The following LRRC4C variants were observed in gnomAD, a reference collection of about 807,000 sequenced individuals.
The protein encoded by LRRC4C is leucine rich repeat containing 4C.
A neutral mutation model predicts 33.6 loss-of-function variants in LRRC4C; 5 were observed. The observed-to-expected ratio is 0.15, with a 90% CI of 0.08 to 0.31. The LOEUF is 0.31. LRRC4C is among the 10% of genes least tolerant of loss of function. The pLI, the probability that LRRC4C is intolerant of heterozygous loss-of-function variation, is 1.00. For synonymous variants in LRRC4C, 329 were observed against 302.0 expected (o/e 1.09, Z -0.93); for missense variants, 560 against 796.7 (o/e 0.70, Z 3.58).
chr11:41,312,235 T>C (rs949889325), intron 1 of LRRC4C, among the ~76,000 whole-genome samples: 9 of 152,206 alleles, frequency 5.9e-5, no homozygotes, highest in African/African-American at 2.2e-4. Flanking sequence ...TTCTACATTC[T>C]CTTAAATGAC....
chr11:40,189,627 G>A (rs1554968442), intron 5 of LRRC4C, among the ~76,000 whole-genome samples: 1 of 152,156 alleles, frequency 6.6e-6, no homozygotes, highest in Non-Finnish European at 1.5e-5. Context: ...AACCAGAAGA[G>A]ACACTGGCTA....
At chr11:40,385,368 T>C (rs1949063834) in intron 3 of LRRC4C, among the ~76,000 whole-genome samples, 1 of 152,194 alleles carries the variant, frequency 6.6e-6, no homozygotes, top group Non-Finnish European at 1.5e-5. Flanking sequence ...CTCATTCAAG[T>C]TTTTGAGTTC....
intron 3 of LRRC4C, among the ~76,000 whole-genome samples, chr11:40,368,759 A>G (rs1006094184): frequency 6.6e-6 from 1 of 152,136 alleles, no homozygotes; most frequent in African/African-American, 2.4e-5. Flanking sequence ...GTCCACCTTT[A>G]GTAGTGCTGA....
intron 2 of LRRC4C, among the ~76,000 whole-genome samples, chr11:40,673,799 T>A (rs890593689): frequency 2.0e-5 from 3 of 152,198 alleles, no homozygotes; most frequent in Non-Finnish European, 1.5e-5. Flanking sequence ...ACTTTTTAGC[T>A]CCTCATTACA....
At chr11:40,342,587 T>C (rs1946920167) in intron 3 of LRRC4C, among the ~76,000 whole-genome samples, 2 of 152,060 alleles carry the variant, frequency 1.3e-5, no homozygotes, top group African/African-American at 2.4e-5. Context: ...GGTAGAAAAA[T>C]AAAAGCAAAT....
At chr11:41,226,741 T>TACATACACACACAC (rs1555116216) in intron 1 of LRRC4C, among the ~76,000 whole-genome samples, 19 of 137,156 alleles carry the variant, frequency 1.4e-4, no homozygotes, top group Admixed American at 4.4e-4. Context: ...TCCTTACCAT[T>TACATACACACACAC]ACACACACAC....
At chr11:40,914,624 T>C (rs1340927213) in intron 2 of LRRC4C, among the ~76,000 whole-genome samples, 1 of 152,144 alleles carries the variant, frequency 6.6e-6, no homozygotes, top group Non-Finnish European at 1.5e-5. Context: ...AGCATTCCCT[T>C]TGACAACTGG....
chr11:40,953,177 C>G (rs1958793602), intron 1 of LRRC4C, among the ~76,000 whole-genome samples: 1 of 151,748 alleles, frequency 6.6e-6, no homozygotes, highest in Non-Finnish European at 1.5e-5. Context: ...AAAATCTATC[C>G]CGAGAGGGAC....
intron 3 of LRRC4C, among the ~76,000 whole-genome samples, chr11:40,387,706 T>C (rs554888099): frequency 3.7e-4 from 56 of 152,284 alleles, no homozygotes; most frequent in South Asian, 2.9e-3. Flanking sequence ...CAGAAAAGGA[T>C]AGTGACTTTT....
At chr11:40,902,232 T>C (rs1322021840) in intron 2 of LRRC4C, among the ~76,000 whole-genome samples, 1 of 152,126 alleles carries the variant, frequency 6.6e-6, no homozygotes, top group East Asian at 1.9e-4. Context: ...TATTATTATA[T>C]CTGTTATGGT....
chr11:40,342,884 A>C (rs940917048), intron 3 of LRRC4C, among the ~76,000 whole-genome samples: 7 of 152,206 alleles, frequency 4.6e-5, no homozygotes, highest in African/African-American at 1.7e-4. Context: ...CTATATATTT[A>C]TCTATTCATT....
intron 1 of LRRC4C, among the ~76,000 whole-genome samples, chr11:41,356,306 G>A (rs1952159222): frequency 6.6e-6 from 1 of 152,086 alleles, no homozygotes; most frequent in Non-Finnish European, 1.5e-5. Context: ...ATATCTACTG[G>A]TAGATCACAC....
chr11:40,301,161 G>C (rs146326482), intron 4 of LRRC4C, among the ~76,000 whole-genome samples: 16 of 152,310 alleles, frequency 1.1e-4, no homozygotes, highest in Admixed American at 2.6e-4. Context: ...TGACAAATTT[G>C]AGGAGTGACT....
intron 5 of LRRC4C, among the ~76,000 whole-genome samples, chr11:40,209,554 T>C (rs3919778): frequency 0.26 from 39,655 of 152,000 alleles, 6,462 homozygotes; most frequent in South Asian, 0.43. Context: ...TATATATACA[T>C]ATTTTTGAGA....
At chr11:41,171,196 C>T (rs1267023606) in intron 1 of LRRC4C, among the ~76,000 whole-genome samples, 14 of 152,100 alleles carry the variant, frequency 9.2e-5, no homozygotes, top group African/African-American at 1.4e-4. Context: ...GTCAGTGTGG[C>T]GATTCCTCAG....
At chr11:41,321,219 A>C (rs1950949458) in intron 1 of LRRC4C, among the ~76,000 whole-genome samples, 1 of 152,204 alleles carries the variant, frequency 6.6e-6, no homozygotes, top group Non-Finnish European at 1.5e-5. Flanking sequence ...TCACAGAATA[A>C]AAACAGGGGG....
At chr11:40,214,975 C>T (rs11605514) in intron 5 of LRRC4C, among the ~76,000 whole-genome samples, 33 of 152,178 alleles carry the variant, frequency 2.2e-4, no homozygotes, top group Non-Finnish European at 4.0e-4. Context: ...TTGTACTGTG[C>T]GCAGCCTGTG....
intron 6 of LRRC4C, among the ~76,000 whole-genome samples, chr11:40,121,790 A>G (rs991087590): frequency 2.6e-5 from 4 of 152,224 alleles, no homozygotes; most frequent in African/African-American, 9.6e-5. Context: ...GGCTTTGTCT[A>G]AACGTTAGAA....
At chr11:40,676,524 G>C (rs143192951) in intron 2 of LRRC4C, among the ~76,000 whole-genome samples, 2 of 152,210 alleles carry the variant, frequency 1.3e-5, no homozygotes, top group East Asian at 3.9e-4. Context: ...TTTCCTTCAA[G>C]CTTCATCAAT....
Sources: allele counts gnomAD v4.1 joint callset (sites outside exome capture counted in the v4.1 genomes callset), GRCh38; gene constraint gnomAD v4.1.1; transcripts MANE v1.5; gene names NCBI Gene and HGNC (gene_info 2026-07-23, HGNC 2026-07-21).